Variants in SMG6 observed in about 807,000 individuals in gnomAD.
The protein encoded by SMG6 is telomerase-binding protein EST1A.
Under a neutral mutation model 142.2 loss-of-function variants are expected in SMG6, and 66 were observed. The ratio of observed to expected loss-of-function variants is 0.46; its 90% CI spans 0.38 to 0.57. The LOEUF (loss-of-function observed/expected upper bound fraction) is 0.57, where lower values mean the gene tolerates loss of function less well. Ranked by LOEUF, SMG6 falls within the 20% of genes least tolerant of loss-of-function variation. The pLI is 0.00. For synonymous variants in SMG6, 779 were observed against 702.4 expected (o/e 1.11, Z -1.72); for missense variants, 1,793 against 1,832.0 (o/e 0.98, Z 0.39).
At chr17:2,191,207 G>T (rs967664112) in intron 10 of SMG6, among the ~76,000 whole-genome samples, 24 of 152,234 alleles carry the variant, frequency 1.6e-4, no homozygotes, top group Admixed American at 1.5e-3. Flanking sequence ...CATGCACTAA[G>T]TGCACAGCAT....
Position 2,110,033 on chromosome 17 carries a change from G to C in SMG6, c.3358-24132C>G, listed in dbSNP as rs1466184745. Reference sequence around the variant, plus strand: ...GGAGGCAGAGGTTGCAGTGAGCAGAGATTGCACTACTGCATTCCAGTATGG... The same window carrying C: ...GGAGGCAGAGGTTGCAGTGAGCAGACATTGCACTACTGCATTCCAGTATGG... On this transcript the variant is annotated intron_variant, in intron 13 of 18. Coordinates refer to ENST00000263073, the MANE Select transcript of SMG6 (RefSeq NM_017575.5). Among the ~76,000 whole-genome samples the C allele has an allele frequency of 2.2e-5, 3 of 137,704 alleles. No individual in the cohort carries two copies. The East Asian group carries it at 7.2e-4, about 33-fold the overall frequency. The allele number at this position is 137,704 out of a possible 152,430, so 90.3% of individuals were successfully genotyped here.
At chr17:2,188,280 G>A in intron 11 of SMG6, 119 bp downstream of exon 11, 1 of 788,606 alleles carries the variant, frequency 1.3e-6, no homozygotes, top group South Asian at 1.7e-5. Context: ...GGGCATGTAG[G>A]TAAGAGGAAG....
chr17:2,303,314 C>A, intron 1 of SMG6: 1 of 1,137,040 alleles, frequency 8.8e-7, no homozygotes, highest in Non-Finnish European at 1.1e-6. Flanking sequence ...CTCCTTTCCG[C>A]GTCTCCCGAT....
intron 4 of SMG6, among the ~76,000 whole-genome samples, chr17:2,295,981 C>A (rs1219850813): frequency 6.6e-6 from 1 of 152,166 alleles, no homozygotes; most frequent in Non-Finnish European, 1.5e-5. Context: ...TTTCCCATCT[C>A]CACGACCTCT....
At chr17:2,098,222 G>C (rs1245703633) in intron 13 of SMG6, among the ~76,000 whole-genome samples, 1 of 152,158 alleles carries the variant, frequency 6.6e-6, no homozygotes, top group African/African-American at 2.4e-5. Flanking sequence ...TCAAGTTTAA[G>C]GAATCCTCCT....
intron 15 of SMG6, among the ~76,000 whole-genome samples, chr17:2,077,956 G>C (rs2068306203): frequency 6.6e-6 from 1 of 152,150 alleles, no homozygotes. Flanking sequence ...AAAACAGACT[G>C]GGAACAGATC....
At chr17:2,166,534 T>A (rs554620521) in intron 13 of SMG6, among the ~76,000 whole-genome samples, 4 of 152,352 alleles carry the variant, frequency 2.6e-5, no homozygotes, top group East Asian at 3.9e-4. Flanking sequence ...CACAGCTCAC[T>A]GCAGCCTAGA....
chr17:2,150,077 G>C lies in SMG6; in HGVS notation c.3357+22581C>G, dbSNP rs983309811. 2.0e-5 allele frequency among the ~76,000 whole-genome samples: 3 copies of C among 152,218 alleles called. No homozygotes were observed. The East Asian group carries it at 5.8e-4, about 29-fold the overall frequency. ...CGTGGTACCAGTCCATGGCTTGTTA[G>C]GAACTGGGCCGCACAGCAGGAAGAG... On this transcript the variant is annotated intron_variant, in intron 13 of 18. Coordinates refer to ENST00000263073, the MANE Select transcript of SMG6 (RefSeq NM_017575.5).
chr17:2,139,566 CGT>C (rs2070410065), intron 13 of SMG6, among the ~76,000 whole-genome samples: 2 of 151,932 alleles, frequency 1.3e-5, no homozygotes, highest in African/African-American at 2.4e-5. Flanking sequence ...GGATCACAGG[CGT>C]GCGCCACCAT....
chr17:2,293,921 T>C (rs1597225481), intron 4 of SMG6, among the ~76,000 whole-genome samples: 4 of 152,356 alleles, frequency 2.6e-5, no homozygotes, highest in Admixed American at 2.6e-4. Flanking sequence ...CTATGTGTTT[T>C]CTCACTGATT....
In SMG6 at chr17:2,273,117, C is replaced by T. The variant is rs530897047; in HGVS notation, c.2661+9530G>A. Among the ~76,000 whole-genome samples the T allele has an allele frequency of 7.2e-5, 11 of 152,260 alleles. No individual in the cohort carries two copies. In the South Asian group the frequency reaches 2.1e-3, roughly 29 times the overall value. ...GGGAAAATGTGTATTAGATAAGCCT[C>T]ATTCAGCTATGAGTTATAGTGCTGT... On this transcript the variant is annotated intron_variant, in intron 8 of 18. Coordinates refer to ENST00000263073, the MANE Select transcript of SMG6 (RefSeq NM_017575.5).
intron 13 of SMG6, among the ~76,000 whole-genome samples, chr17:2,123,291 T>A (rs114912408): frequency 0.011 from 1,613 of 152,150 alleles, 35 homozygotes; most frequent in African/African-American, 0.037. Flanking sequence ...GACCCAGGGG[T>A]GCTGTGTGCT....
intron 10 of SMG6, among the ~76,000 whole-genome samples, chr17:2,234,944 A>T (rs910401792): frequency 6.6e-6 from 1 of 152,152 alleles, no homozygotes; most frequent in Non-Finnish European, 1.5e-5. Context: ...GTGCTGGAAC[A>T]ATGTCTTGGC....
intron 10 of SMG6, among the ~76,000 whole-genome samples, chr17:2,210,698 G>A (rs1427687264): frequency 2.0e-5 from 3 of 148,814 alleles, no homozygotes; most frequent in Admixed American, 6.8e-5. Flanking sequence ...TGAGCAAACC[G>A]AGAGAAAACA....
chr17:2,097,925 A>C (rs906655300), intron 13 of SMG6, among the ~76,000 whole-genome samples: 5 of 152,012 alleles, frequency 3.3e-5, no homozygotes, highest in African/African-American at 1.2e-4. Context: ...TTAATAATAG[A>C]CTTAACAGCA....
intron 10 of SMG6, among the ~76,000 whole-genome samples, chr17:2,188,831 A>G (rs1331738937): frequency 6.6e-6 from 1 of 152,192 alleles, no homozygotes. Context: ...TGATAATGTA[A>G]AGCCATCGTA....
intron 13 of SMG6, among the ~76,000 whole-genome samples, chr17:2,157,329 C>T (rs1161921477): frequency 1.3e-5 from 2 of 152,198 alleles, no homozygotes; most frequent in African/African-American, 4.8e-5. Context: ...GCTCTGTTTT[C>T]GATGCAACAC....
At chr17:2,107,794 T>A (rs900757320) in intron 13 of SMG6, among the ~76,000 whole-genome samples, 3 of 152,174 alleles carry the variant, frequency 2.0e-5, no homozygotes, top group Non-Finnish European at 4.4e-5. Flanking sequence ...TGGGACTGCG[T>A]GCCAGGGCCA....
At chr17:2,263,174 G>C (rs2074352868) in intron 8 of SMG6, among the ~76,000 whole-genome samples, 1 of 152,158 alleles carries the variant, frequency 6.6e-6, no homozygotes. Context: ...ATCATTCTGG[G>C]TTAAAAATTC....
Sources: gnomAD v4.1 joint callset for allele counts (sites outside exome capture counted in the v4.1 genomes callset) on GRCh38, gnomAD v4.1.1 for gene constraint, MANE v1.5 for transcripts, NCBI Gene and HGNC (gene_info 2026-07-23, HGNC 2026-07-21) for gene names.